CACNA2D3: variants seen among roughly 807,000 people sequenced by gnomAD.
CACNA2D3 encodes voltage-dependent calcium channel subunit alpha-2/delta-3.
A neutral mutation model predicts 160.6 loss-of-function variants in CACNA2D3; 60 were observed. The observed-to-expected ratio is 0.37, with a 90% CI of 0.30 to 0.46. The LOEUF (loss-of-function observed/expected upper bound fraction) is 0.46. Among genes scored for constraint, CACNA2D3 ranks in the 20% least tolerant of loss-of-function variants. CACNA2D3 has a pLI of 1.00. For missense variants in CACNA2D3, 1,205 were observed against 1,365.0 expected (o/e 0.88, Z 1.85); for synonymous variants, 558 against 492.9 (o/e 1.13, Z -1.75).
chr3:54,464,670 C>T (rs554677282), intron 4 of CACNA2D3, among the ~76,000 whole-genome samples: 25 of 152,330 alleles, frequency 1.6e-4, no homozygotes, highest in Admixed American at 1.2e-3. Flanking sequence ...TTCCAAGTGC[C>T]GTCTGTCACC....
At chr3:54,193,638 T>C (rs1413525225) in intron 2 of CACNA2D3, among the ~76,000 whole-genome samples, 1 of 152,198 alleles carries the variant, frequency 6.6e-6, no homozygotes, top group Non-Finnish European at 1.5e-5. Context: ...CTATCTAACC[T>C]GGGCAGCCTA....
intron 5 of CACNA2D3, among the ~76,000 whole-genome samples, chr3:54,516,814 A>G (rs1482415854): frequency 6.6e-6 from 1 of 152,092 alleles, no homozygotes; most frequent in African/African-American, 2.4e-5. Flanking sequence ...CATGTTCTCT[A>G]CTCACTGCTA....
chr3:55,000,394 T>G (rs961413659), intron 31 of CACNA2D3, among the ~76,000 whole-genome samples: 1 of 152,016 alleles, frequency 6.6e-6, no homozygotes, highest in East Asian at 1.9e-4. Context: ...AGCCTCCTTT[T>G]GAAATAGAGG....
chr3:54,772,370 A>G (rs751530366), intron 13 of CACNA2D3, among the ~76,000 whole-genome samples: 4 of 152,098 alleles, frequency 2.6e-5, no homozygotes, highest in African/African-American at 4.8e-5. Context: ...TGCTTTCGCT[A>G]TTAATTATAC....
At chr3:55,052,921 C>G (rs1704262632) in intron 35 of CACNA2D3, among the ~76,000 whole-genome samples, 2 of 152,018 alleles carry the variant, frequency 1.3e-5, no homozygotes, top group Admixed American at 6.5e-5. Context: ...TGGGTTTCAC[C>G]TTTTAATCCA....
At chr3:54,685,220 GA>G (rs1329133866) in intron 11 of CACNA2D3, among the ~76,000 whole-genome samples, 2 of 152,074 alleles carry the variant, frequency 1.3e-5, no homozygotes, top group Non-Finnish European at 2.9e-5. Flanking sequence ...TCAACAACAA[GA>G]AAAAGAAAAA....
At chr3:54,855,494 G>T (rs1295370083) in intron 17 of CACNA2D3, among the ~76,000 whole-genome samples, 1 of 152,070 alleles carries the variant, frequency 6.6e-6, no homozygotes, top group East Asian at 1.9e-4. Context: ...TGAGTGATAC[G>T]AAGGTGAGAA....
At chr3:54,478,094 A>G (rs759845365) in intron 4 of CACNA2D3, among the ~76,000 whole-genome samples, 1 of 152,076 alleles carries the variant, frequency 6.6e-6, no homozygotes, top group Non-Finnish European at 1.5e-5. Flanking sequence ...TTTTTATTCT[A>G]TTTTTATGAT....
chr3:54,192,716 G>T (rs1272856830), intron 2 of CACNA2D3, among the ~76,000 whole-genome samples: 5 of 151,976 alleles, frequency 3.3e-5, no homozygotes, highest in Non-Finnish European at 5.9e-5. Context: ...ACGCCATGCT[G>T]CTGTAGATTA....
chr3:54,620,266 A>C (rs1559528632), intron 9 of CACNA2D3, among the ~76,000 whole-genome samples: 1 of 152,204 alleles, frequency 6.6e-6, no homozygotes. Context: ...AGAACTGAAA[A>C]TGAAAGAGGC....
intron 2 of CACNA2D3, among the ~76,000 whole-genome samples, chr3:54,164,793 A>C (rs1282664304): frequency 1.3e-5 from 2 of 152,114 alleles, no homozygotes; most frequent in East Asian, 3.9e-4. Context: ...TGCACCCCTG[A>C]GCAGGACATT....
intron 27 of CACNA2D3, among the ~76,000 whole-genome samples, chr3:54,905,797 T>A (rs1200915936): frequency 2.6e-5 from 4 of 152,214 alleles, no homozygotes; most frequent in African/African-American, 4.8e-5. Flanking sequence ...TCAGTAGTGC[T>A]GAGATTGAGA....
At chr3:54,256,888 AG>A (rs1412394709) in intron 2 of CACNA2D3, among the ~76,000 whole-genome samples, 2 of 152,190 alleles carry the variant, frequency 1.3e-5, no homozygotes, top group African/African-American at 2.4e-5. Flanking sequence ...AGGATACAAT[AG>A]AAGTATGGAG....
At chr3:54,646,126 T>C (rs374270619) in intron 11 of CACNA2D3, among the ~76,000 whole-genome samples, 5,197 of 59,518 alleles carry the variant, frequency 0.087, 468 homozygotes, top group African/African-American at 0.16. Context: ...TTCCTTCCTT[T>C]CTTCCTTCCT....
At chr3:54,774,453 C>G (rs1276654404) in intron 13 of CACNA2D3, among the ~76,000 whole-genome samples, 1 of 151,746 alleles carries the variant, frequency 6.6e-6, no homozygotes, top group Non-Finnish European at 1.5e-5. Context: ...CGTGAGCACT[C>G]ACTCACTCTC....
At chr3:54,625,356 G>A (rs1040918277) in intron 9 of CACNA2D3, among the ~76,000 whole-genome samples, 1 of 152,244 alleles carries the variant, frequency 6.6e-6, no homozygotes, top group African/African-American at 2.4e-5. Flanking sequence ...GGGCATTAGA[G>A]TAGGTGTAGC....
intron 4 of CACNA2D3, among the ~76,000 whole-genome samples, chr3:54,445,324 C>T (rs73089459): frequency 1.3e-5 from 2 of 152,248 alleles, no homozygotes; most frequent in South Asian, 2.1e-4. Context: ...AAAGTTAAAA[C>T]GCTGATACTT....
At chr3:54,304,457 A>G (rs1227075282) in intron 2 of CACNA2D3, among the ~76,000 whole-genome samples, 2 of 152,226 alleles carry the variant, frequency 1.3e-5, no homozygotes, top group Non-Finnish European at 2.9e-5. Flanking sequence ...TGGCATGTAT[A>G]GGATGACCTC....
At chr3:55,005,584 G>A (rs17054685) in intron 32 of CACNA2D3, among the ~76,000 whole-genome samples, 2 of 152,052 alleles carry the variant, frequency 1.3e-5, no homozygotes, top group African/African-American at 2.4e-5. Flanking sequence ...TTTCAGCATC[G>A]TTTTCCCTGG....
Sources: allele counts gnomAD v4.1 joint callset (sites outside exome capture counted in the v4.1 genomes callset), GRCh38; gene constraint gnomAD v4.1.1; transcripts MANE v1.5; gene names NCBI Gene and HGNC (gene_info 2026-07-23, HGNC 2026-07-21).